PACRGL: variants seen among roughly 807,000 people sequenced by gnomAD.
PACRGL encodes the protein parkin coregulated like.
PACRGL carries 38 observed loss-of-function variants against 34.5 expected under a neutral mutation model. The observed-to-expected ratio is 1.10, with a 90% CI of 0.85 to 1.44. The LOEUF (loss-of-function observed/expected upper bound fraction) is 1.44. PACRGL is among the 40% of genes most tolerant of loss of function. PACRGL has a pLI of 0.00. For synonymous variants in PACRGL, 128 were observed against 100.1 expected (o/e 1.28, Z -1.66); for missense variants, 305 against 281.4 (o/e 1.08, Z -0.60).
intron 6 of PACRGL, 50 bp from the exon 7 acceptor site, chr4:20,713,382 C>A: frequency 1.4e-6 from 2 of 1,400,632 alleles, no homozygotes; most frequent in South Asian, 1.2e-5. Flanking sequence ...CTTTCCTTTT[C>A]TCCTCTCTTC....
upstream of PACRGL, chr4:20,696,324 G>A (rs1731245250): frequency 6.6e-6 from 1 of 152,156 alleles, no homozygotes. Flanking sequence ...GGATAGTTAA[G>A]AGGAGATTGG....
intron 7 of PACRGL, among the ~76,000 whole-genome samples, chr4:20,721,123 C>T (rs1441903369): frequency 6.6e-6 from 1 of 152,184 alleles, no homozygotes; most frequent in Non-Finnish European, 1.5e-5. Flanking sequence ...GAGTCGGCTA[C>T]TGAAGCTTGT....
intron 1 of PACRGL, chr4:20,701,389 A>G (rs548061687): frequency 3.0e-4 from 47 of 155,474 alleles, no homozygotes; most frequent in African/African-American, 1.1e-3. Flanking sequence ...TGATATTGTG[A>G]CATAGTTTAG....
chr4:20,766,101 C>T, the PACRGL span, among the ~76,000 whole-genome samples: 420 of 152,076 alleles, frequency 2.8e-3, 3 homozygotes, highest in Admixed American at 8.2e-3. Flanking sequence ...TTTTATGTTC[C>T]AACCCTTGCA....
At chr4:20,732,732 A>G (rs141959590), downstream of PACRGL, 34 of 1,613,082 alleles carry the variant, frequency 2.1e-5, no homozygotes, top group Admixed American at 4.5e-4. Context: ...TGAGGACAGG[A>G]TATGTACATT....
chr4:20,732,117 C>A lies in PACRGL; in HGVS notation c.*4776C>A. ...TGTATTTAGACTTATCCCTTAATAC[C>A]CTCACACCTGGACCAAATGAGCTGA... On this transcript the variant is annotated 3_prime_UTR_variant, in exon 9 of 9. Transcript: ENST00000503585. 2 of 1,292,096 alleles carry A rather than the reference C, an allele frequency of 1.5e-6. No homozygotes were observed. The highest frequency in any genetic ancestry group is 2.3e-5 in the East Asian group (1 of 43,190). 80.0% of individuals were successfully genotyped at this position (1,292,096 alleles called of 1,614,324 possible).
chr4:20,764,132 A>G, the PACRGL span, among the ~76,000 whole-genome samples: 1 of 152,272 alleles, frequency 6.6e-6, no homozygotes, highest in African/African-American at 2.4e-5. Context: ...CTATTTTCTA[A>G]TGAAATTTTG....
rs79583219 is a variant in PACRGL at position 20,731,038 on chromosome 4, A to G, written c.*3697A>G. Reference sequence around the variant, plus strand: ...TAAAAATAAAGAGAAAAACTAAAGAAACAACGGATTTCTTTGTTTTCAGGA... The same window carrying G: ...TAAAAATAAAGAGAAAAACTAAAGAGACAACGGATTTCTTTGTTTTCAGGA... On this transcript the variant is annotated 3_prime_UTR_variant, in exon 9 of 9. Transcript: ENST00000503585. Among the ~76,000 whole-genome samples, 602 of 152,272 alleles carry G rather than the reference A, an allele frequency of 4.0e-3. 6 individuals carry two copies. Among genetic ancestry groups the G allele is most frequent in the African/African-American group, 0.014 (565 of 41,554 alleles).
intron 3 of PACRGL, 92 bp downstream of exon 3, chr4:20,704,906 C>G: frequency 7.0e-7 from 1 of 1,424,570 alleles, no homozygotes; most frequent in African/African-American, 1.4e-5. Flanking sequence ...AGTTTTGTCC[C>G]TTTGCTAGTT....
chr4:20,731,920 C>T lies in PACRGL; in HGVS notation c.*4579C>T, dbSNP rs553067640. 2.1e-4 allele frequency: 330 copies of T among 1,561,984 alleles called. 1 individual carries two copies. The highest frequency in any genetic ancestry group is 4.5e-4 in the Middle Eastern group (2 of 4,408). ...ACTTAGGCATATGATCTCTATATTT[C>T]GCCCAGTTCATGGTAGCTAGCTGCT... On this transcript the variant is annotated 3_prime_UTR_variant, in exon 9 of 9. Coordinates refer to ENST00000503585, the MANE Select transcript of PACRGL (RefSeq NM_001258345.3).
At chr4:20,762,303 G>T in the PACRGL span, among the ~76,000 whole-genome samples, 4 of 152,174 alleles carry the variant, frequency 2.6e-5, 1 homozygote, top group African/African-American at 9.6e-5. Context: ...TCTCCCAAAG[G>T]CCCCACCTCC....
At chr4:20,744,311 T>C (rs993797729) in intron 8 of PACRGL, among the ~76,000 whole-genome samples, 4 of 152,210 alleles carry the variant, frequency 2.6e-5, no homozygotes, top group Non-Finnish European at 5.9e-5. Context: ...CATGCACATG[T>C]ATGTTTATTG....
chr4:20,754,936 G>A (rs1754250710), downstream of PACRGL, among the ~76,000 whole-genome samples: 1 of 152,114 alleles, frequency 6.6e-6, no homozygotes, highest in Non-Finnish European at 1.5e-5. Flanking sequence ...ATGTTGGTAG[G>A]CACTCAGATA....
At chr4:20,725,484 C>A (rs1294415607) in intron 8 of PACRGL, among the ~76,000 whole-genome samples, 2 of 152,074 alleles carry the variant, frequency 1.3e-5, no homozygotes, top group South Asian at 4.1e-4. Context: ...GATTACTAGA[C>A]TAATTGAATT....
At chr4:20,763,802 C>A in the PACRGL span, among the ~76,000 whole-genome samples, 4 of 152,156 alleles carry the variant, frequency 2.6e-5, no homozygotes, top group Admixed American at 1.3e-4. Flanking sequence ...CACAAGCAAT[C>A]CTGCCTTGGC....
At chr4:20,734,769 AT>A (rs765516855), downstream of PACRGL, 45 of 1,328,396 alleles carry the variant, frequency 3.4e-5, no homozygotes, top group Non-Finnish European at 4.4e-5. Context: ...TTTATATGAC[AT>A]TTTTAAAAAA....
chr4:20,725,113 T>C (rs1178982295), intron 8 of PACRGL, among the ~76,000 whole-genome samples: 1 of 152,134 alleles, frequency 6.6e-6, no homozygotes, highest in Non-Finnish European at 1.5e-5. Context: ...AATATAGGGC[T>C]TGTGTACACT....
At chr4:20,763,482 G>A in the PACRGL span, among the ~76,000 whole-genome samples, 23,159 of 151,942 alleles carry the variant, frequency 0.15, 1,844 homozygotes, top group East Asian at 0.19. Flanking sequence ...AAGAGTACAT[G>A]GAAACTTTTT....
chr4:20,753,113 C>G (rs1453196512), downstream of PACRGL, among the ~76,000 whole-genome samples: 1 of 152,078 alleles, frequency 6.6e-6, no homozygotes, highest in African/African-American at 2.4e-5. Flanking sequence ...AGTTGAGCAA[C>G]AAAATTTACA....
Sources: gnomAD v4.1 joint callset for allele counts (sites outside exome capture counted in the v4.1 genomes callset) on GRCh38, gnomAD v4.1.1 for gene constraint, MANE v1.5 for transcripts, NCBI Gene and HGNC (gene_info 2026-07-23, HGNC 2026-07-21) for gene names.